PDE4D: variants seen among roughly 807,000 people sequenced by gnomAD.
PDE4D encodes phosphodiesterase 4D, also known as 3',5'-cyclic-AMP phosphodiesterase 4D.
PDE4D carries 24 observed loss-of-function variants against 87.4 expected under a neutral mutation model. That is an observed-to-expected ratio of 0.27 (90% CI 0.20 to 0.39). The LOEUF is 0.39. PDE4D is among the 10% of genes least tolerant of loss of function. The probability of loss-of-function intolerance (pLI) is 1.00; values close to 1 mark genes in which losing one functional copy is unlikely to be tolerated. For synonymous variants in PDE4D, 384 were observed against 383.2 expected (o/e 1.00, Z -0.02); for missense variants, 714 against 1,041.0 (o/e 0.69, Z 4.32).
chr5:59,873,000 C>A (rs1748049694), intron 1 of PDE4D, among the ~76,000 whole-genome samples: 1 of 152,166 alleles, frequency 6.6e-6, no homozygotes. Flanking sequence ...ATGGCTATGT[C>A]TAACCAGATA....
chr5:59,839,698 A>T (rs1742685263), intron 1 of PDE4D, among the ~76,000 whole-genome samples: 1 of 152,012 alleles, frequency 6.6e-6, no homozygotes, highest in Admixed American at 6.6e-5. Flanking sequence ...CATCACATCC[A>T]CCTACTCTCT....
At chr5:59,829,956 T>A (rs1407999478) in intron 1 of PDE4D, among the ~76,000 whole-genome samples, 1 of 151,488 alleles carries the variant, frequency 6.6e-6, no homozygotes, top group African/African-American at 2.4e-5. Context: ...TCCTTTAGCA[T>A]TGTTTCTTCT....
chr5:59,175,059 T>C (rs1315306492), intron 5 of PDE4D, among the ~76,000 whole-genome samples: 2 of 152,138 alleles, frequency 1.3e-5, no homozygotes, highest in Non-Finnish European at 2.9e-5. Context: ...TGTTCGAAAA[T>C]GAAATGCTTA....
intron 6 of PDE4D, among the ~76,000 whole-genome samples, chr5:59,003,555 C>T (rs2055297): frequency 0.1 from 15,693 of 152,166 alleles, 1,266 homozygotes; most frequent in East Asian, 0.47. Flanking sequence ...TTATTAAGCT[C>T]CTACTCTATG....
At chr5:60,266,982 T>C (rs1029952122) in intron 1 of PDE4D, among the ~76,000 whole-genome samples, 4 of 152,214 alleles carry the variant, frequency 2.6e-5, no homozygotes, top group African/African-American at 9.6e-5. Context: ...CCCAGATTGT[T>C]CAGGGACTAT....
At chr5:59,097,116 TTTATATG>T (rs1172356900) in intron 5 of PDE4D, among the ~76,000 whole-genome samples, 1 of 152,088 alleles carries the variant, frequency 6.6e-6, no homozygotes, top group African/African-American at 2.4e-5. Context: ...TTTCTGAAAG[TTTATATG>T]GAATTGGCAA....
chr5:60,493,644 T>C (rs535977617), intron 1 of PDE4D, among the ~76,000 whole-genome samples: 1 of 152,114 alleles, frequency 6.6e-6, no homozygotes, highest in African/African-American at 2.4e-5. Flanking sequence ...TGCATGATCT[T>C]TGTCCTTATC....
chr5:59,113,777 C>T (rs539142270), intron 5 of PDE4D, among the ~76,000 whole-genome samples: 38 of 152,208 alleles, frequency 2.5e-4, no homozygotes, highest in Non-Finnish European at 3.2e-4. Context: ...TTCACTCCTC[C>T]GGGCCTCAGT....
At chr5:59,756,810 C>CT (rs5868192) in intron 1 of PDE4D, among the ~76,000 whole-genome samples, 79,867 of 132,176 alleles carry the variant, frequency 0.6, 25,368 homozygotes, top group African/African-American at 0.78. Context: ...GAGGTTCTTA[C>CT]TTTTTTTTTT....
At position 59,341,707 on chromosome 5, in the gene PDE4D, T is replaced by G. The variant is rs553164839; in HGVS notation, c.456-125739A>C. 3.3e-5 allele frequency among the ~76,000 whole-genome samples: 5 copies of G among 152,316 alleles called. No individual in the cohort carries two copies. In the East Asian group the frequency reaches 9.7e-4, roughly 29 times the overall value. On this transcript the variant is annotated intron_variant, in intron 1 of 14. Transcript: ENST00000340635. ...GTATGTATGCATGGCGTAACTCCTA[T>G]CTATTTTACAGGGTCACTTGGTTGG...
chr5:59,334,819 TTC>T (rs966884932), intron 1 of PDE4D, among the ~76,000 whole-genome samples: 1 of 152,086 alleles, frequency 6.6e-6, no homozygotes, highest in Non-Finnish European at 1.5e-5. Flanking sequence ...ATTAATTACA[TTC>T]TGTGTGTCTC....
chr5:59,643,056 A>G (rs1371952231), intron 1 of PDE4D, among the ~76,000 whole-genome samples: 1 of 152,228 alleles, frequency 6.6e-6, no homozygotes, highest in Non-Finnish European at 1.5e-5. Flanking sequence ...TGCTCATGAA[A>G]GAATGGAAAA....
intron 1 of PDE4D, among the ~76,000 whole-genome samples, chr5:60,421,026 G>T (rs1193659235): frequency 1.3e-5 from 2 of 152,234 alleles, no homozygotes; most frequent in African/African-American, 4.8e-5. Context: ...AAACAAAGTG[G>T]CCAGGAAGCT....
chr5:60,465,014 C>A (rs185294474), intron 1 of PDE4D, among the ~76,000 whole-genome samples: 3 of 151,880 alleles, frequency 2.0e-5, no homozygotes, highest in African/African-American at 4.8e-5. Flanking sequence ...GAGGCTGAGG[C>A]GGGAGGATTG....
chr5:60,266,527 TC>T (rs1258274478), intron 1 of PDE4D, among the ~76,000 whole-genome samples: 5 of 152,178 alleles, frequency 3.3e-5, no homozygotes, highest in Non-Finnish European at 7.3e-5. Flanking sequence ...TGCTGCTGCT[TC>T]ACCCTTGGGC....
chr5:59,981,960 A>G (rs1301148533), intron 3 of PDE4D, among the ~76,000 whole-genome samples: 1 of 152,146 alleles, frequency 6.6e-6, no homozygotes, highest in Non-Finnish European at 1.5e-5. Flanking sequence ...CAAGATGAAG[A>G]GTGGTTAGTC....
intron 2 of PDE4D, among the ~76,000 whole-genome samples, chr5:59,203,078 T>C (rs1747889930): frequency 6.6e-6 from 1 of 152,114 alleles, no homozygotes; most frequent in Non-Finnish European, 1.5e-5. Context: ...ACACAGTGGC[T>C]TACACCTGTA....
At chr5:60,277,493 C>G (rs979999360) in intron 1 of PDE4D, among the ~76,000 whole-genome samples, 12 of 152,082 alleles carry the variant, frequency 7.9e-5, no homozygotes, top group Admixed American at 7.9e-4. Context: ...GGAAACCATC[C>G]TGTGTACCAT....
chr5:59,144,896 G>GC (rs1554080199), intron 5 of PDE4D, among the ~76,000 whole-genome samples: 18 of 132,752 alleles, frequency 1.4e-4, no homozygotes, highest in Non-Finnish European at 2.7e-4. Context: ...TTAATGGGGG[G>GC]GGGGGGGGGA....
Sources: gnomAD v4.1 joint callset for allele counts (sites outside exome capture counted in the v4.1 genomes callset) on GRCh38, gnomAD v4.1.1 for gene constraint, MANE v1.5 for transcripts, NCBI Gene and HGNC (gene_info 2026-07-23, HGNC 2026-07-21) for gene names.